The following CNTNAP2 variants were observed in gnomAD, a reference collection of about 807,000 sequenced individuals.
CNTNAP2 encodes contactin associated protein 2, also known as contactin-associated protein-like 2.
In CNTNAP2, 98 loss-of-function variants were observed where a neutral mutation model predicts 155.2. That is an observed-to-expected ratio of 0.63 (90% CI 0.54 to 0.75). The LOEUF is 0.75. Ranked by LOEUF, CNTNAP2 falls within the 30% of genes least tolerant of loss-of-function variation. The pLI is 0.00. For synonymous variants in CNTNAP2, 651 were observed against 631.2 expected (o/e 1.03, Z -0.47); for missense variants, 1,727 against 1,688.1 (o/e 1.02, Z -0.40).
intron 3 of CNTNAP2, among the ~76,000 whole-genome samples, chr7:146,865,567 C>T (rs758203946): frequency 8.6e-5 from 13 of 152,018 alleles, no homozygotes; most frequent in Non-Finnish European, 1.9e-4. Context: ...GTCTTTTCAA[C>T]AAATGGTGTT....
chr7:146,569,096 A>G lies in CNTNAP2; in HGVS notation c.98-205175A>G, dbSNP rs1460377946. On this transcript the variant is annotated intron_variant, in intron 1 of 23. Transcript: ENST00000361727. ...CAGTGGCGCAATCTTGGCTCACCGCAAGGGCTGCCTCCCGGGTTCACGCCA... is the reference window on the plus strand; with the variant it reads ...CAGTGGCGCAATCTTGGCTCACCGCGAGGGCTGCCTCCCGGGTTCACGCCA... 3.3e-5 allele frequency among the ~76,000 whole-genome samples: 5 copies of G among 151,964 alleles called. No individual in the cohort carries two copies. In the East Asian group the frequency reaches 9.7e-4, roughly 29 times the overall value.
intron 2 of CNTNAP2, among the ~76,000 whole-genome samples, chr7:146,836,726 G>A (rs189585697): frequency 5.0e-4 from 76 of 152,092 alleles, no homozygotes; most frequent in Non-Finnish European, 2.4e-4. Context: ...CACTCATTTC[G>A]TCATGTAAAT....
chr7:146,301,668 A>G (rs1800613348), intron 1 of CNTNAP2, among the ~76,000 whole-genome samples: 2 of 152,048 alleles, frequency 1.3e-5, no homozygotes, highest in African/African-American at 2.4e-5. Flanking sequence ...AAAGATATAC[A>G]TGGTATCATT....
At chr7:147,011,418 CAAAAAAA>C (rs759844476) in intron 3 of CNTNAP2, among the ~76,000 whole-genome samples, 13 of 13,258 alleles carry the variant, frequency 9.8e-4, no homozygotes, top group Admixed American at 9.1e-3. Context: ...CACTCCATCT[CAAAAAAA>C]AAAAAAAAAA....
intron 3 of CNTNAP2, among the ~76,000 whole-genome samples, chr7:146,988,134 T>C (rs1421553613): frequency 2.0e-5 from 3 of 152,110 alleles, no homozygotes; most frequent in African/African-American, 7.2e-5. Flanking sequence ...TAGAGTTTAC[T>C]TTCTAATGCA....
chr7:147,084,591 A>T (rs1329450133), intron 4 of CNTNAP2, among the ~76,000 whole-genome samples: 1 of 146,572 alleles, frequency 6.8e-6, no homozygotes, highest in Non-Finnish European at 1.5e-5. Context: ...TACATATAGC[A>T]TATATAATGC....
chr7:146,961,674 A>G (rs1181851308), intron 3 of CNTNAP2, among the ~76,000 whole-genome samples: 1 of 152,200 alleles, frequency 6.6e-6, no homozygotes, highest in Non-Finnish European at 1.5e-5. Context: ...GTGGAATGAC[A>G]GGCGGCTGAT....
At chr7:147,495,301 A>G (rs1528510) in intron 11 of CNTNAP2, among the ~76,000 whole-genome samples, 15,075 of 152,250 alleles carry the variant, frequency 0.099, 905 homozygotes, top group Middle Eastern at 0.18. Flanking sequence ...AAAATTTTGA[A>G]TTGATTGTTT....
chr7:146,642,072 GA>G (rs539762865), intron 1 of CNTNAP2, among the ~76,000 whole-genome samples: 7 of 151,656 alleles, frequency 4.6e-5, no homozygotes, highest in African/African-American at 1.7e-4. Flanking sequence ...GTTTTTTAAA[GA>G]AAAAAGCTTA....
intron 12 of CNTNAP2, among the ~76,000 whole-genome samples, chr7:147,617,043 G>A (rs1205652213): frequency 6.6e-6 from 1 of 152,066 alleles, no homozygotes; most frequent in Non-Finnish European, 1.5e-5. Flanking sequence ...TTCCATTTCT[G>A]ACTCATCCAG....
chr7:147,236,580 G>T lies in CNTNAP2; in HGVS notation c.1349-63561G>T, dbSNP rs533224493. On this transcript the variant is annotated intron_variant, in intron 8 of 23. Coordinates refer to ENST00000361727, the MANE Select transcript of CNTNAP2 (RefSeq NM_014141.6). ...TTCAATTTTTTTTTCTTTTTGGTTG[G>T]TTTTTTTTTTCTTTTTTAAATCTTA... 3.9e-3 allele frequency among the ~76,000 whole-genome samples: 564 copies of T among 145,044 alleles called. 2 individuals are homozygous for T. The highest frequency in any genetic ancestry group is 7.6e-3 in the African/African-American group (299 of 39,446).
chr7:148,324,874 T>C (rs906331573), intron 21 of CNTNAP2, among the ~76,000 whole-genome samples: 1 of 151,246 alleles, frequency 6.6e-6, no homozygotes, highest in African/African-American at 2.4e-5. Context: ...GTCAGACACA[T>C]AGGACATGTA....
intron 1 of CNTNAP2, among the ~76,000 whole-genome samples, chr7:146,526,261 G>C (rs1341014830): frequency 7.2e-5 from 11 of 152,110 alleles, no homozygotes; most frequent in Non-Finnish European, 1.3e-4. Flanking sequence ...CTTTTGCCTG[G>C]TACATTAGGC....
At chr7:147,897,533 A>G (rs1799797736) in intron 13 of CNTNAP2, among the ~76,000 whole-genome samples, 1 of 152,188 alleles carries the variant, frequency 6.6e-6, no homozygotes. Flanking sequence ...TTTGAATGCA[A>G]TGCAAAAAAT....
chr7:148,278,524 C>G (rs187532431), intron 21 of CNTNAP2, among the ~76,000 whole-genome samples: 2,990 of 145,470 alleles, frequency 0.021, 33 homozygotes, highest in Non-Finnish European at 0.025. Context: ...AAGCCGAGAT[C>G]GCGCCACTGC....
At chr7:147,683,380 A>G (rs1463011405) in intron 13 of CNTNAP2, among the ~76,000 whole-genome samples, 1 of 151,904 alleles carries the variant, frequency 6.6e-6, no homozygotes, top group Admixed American at 6.6e-5. Context: ...CTATGTGTGT[A>G]AATAAAATTC....
chr7:148,351,160 C>T (rs1054692320), intron 21 of CNTNAP2, among the ~76,000 whole-genome samples: 4 of 151,972 alleles, frequency 2.6e-5, no homozygotes, highest in Non-Finnish European at 5.9e-5. Flanking sequence ...CAACTTATCA[C>T]GTATCAAGGT....
intron 1 of CNTNAP2, among the ~76,000 whole-genome samples, chr7:146,672,579 G>A (rs1177761919): frequency 6.6e-6 from 1 of 152,110 alleles, no homozygotes; most frequent in African/African-American, 2.4e-5. Flanking sequence ...CACTTGGAAT[G>A]GGAACACGGG....
At position 148,415,687 on chromosome 7, in the gene CNTNAP2, C is replaced by A; in HGVS notation, c.*71C>A. The stretch of plus-strand genomic sequence containing the variant: ...GAGGAGAGAAAGGGACAAAAGCACC[C>A]TGCTTCATACTCTTGAGCACATCCT... On this transcript the variant is annotated 3_prime_UTR_variant, in exon 24 of 24. Transcript: ENST00000361727. 1 of 1,544,478 alleles carries A rather than the reference C, an allele frequency of 6.5e-7. No homozygotes were observed. Among genetic ancestry groups the A allele is most frequent in the Non-Finnish European group, 8.9e-7 (1 of 1,121,384 alleles).
Sources: gnomAD v4.1 joint callset for allele counts (sites outside exome capture counted in the v4.1 genomes callset) on GRCh38, gnomAD v4.1.1 for gene constraint, MANE v1.5 for transcripts, NCBI Gene and HGNC (gene_info 2026-07-23, HGNC 2026-07-21) for gene names.